Variants in MBNL2 observed in about 807,000 individuals in gnomAD.
MBNL2 encodes the protein muscleblind like splicing regulator 2, also known as muscleblind-like protein 2.
In MBNL2, 17 loss-of-function variants were observed where a neutral mutation model predicts 41.9. The ratio of observed to expected loss-of-function variants is 0.41; its 90% CI spans 0.28 to 0.61. MBNL2 has a LOEUF of 0.61. Ranked by LOEUF, MBNL2 falls within the 20% of genes least tolerant of loss-of-function variation. The pLI, the probability that MBNL2 is intolerant of heterozygous loss-of-function variation, is 0.35. For missense variants in MBNL2, 336 were observed against 505.6 expected (o/e 0.66, Z 3.22); for synonymous variants, 195 against 182.9 (o/e 1.07, Z -0.53).
intron 1 of MBNL2, among the ~76,000 whole-genome samples, chr13:97,257,294 C>G (rs1342445069): frequency 6.6e-6 from 1 of 152,062 alleles, no homozygotes; most frequent in Non-Finnish European, 1.5e-5. Context: ...CACGTAGGAA[C>G]TCAGATGATA....
chr13:97,356,880 T>C (rs781367372), intron 6 of MBNL2, 31 bp downstream of exon 6: 1 of 1,329,062 alleles, frequency 7.5e-7, no homozygotes, highest in South Asian at 1.2e-5. Flanking sequence ...TCGCTTTGCA[T>C]GTAGCTTTTC....
Position 97,276,372 on chromosome 13 carries a change from A to C in MBNL2, c.137A>C (p.Glu46Ala). The change falls in exon 2 of 9, where the codon GAA becomes GCA. Residue 46 changes from glutamate to alanine, a missense_variant. Glu to Ala is a moderately radical substitution (Grantham distance 107). Transcript: ENST00000679496. Reference sequence around the variant, plus strand: ...CATCCCCCCAAAAGTTGTCAGGTTGAAAATGGAAGAGTAATTGCCTGCTTT... The same window carrying C: ...CATCCCCCCAAAAGTTGTCAGGTTGCAAATGGAAGAGTAATTGCCTGCTTT... ...FAHPPKSCQV[E>A]NGRVIACFDS... is the part of the protein sequence containing the mutation. 5 of 1,614,136 alleles carry C rather than the reference A, an allele frequency of 3.1e-6. No homozygotes were observed. The highest frequency in any genetic ancestry group is 3.4e-6 in the Non-Finnish European group (4 of 1,179,976).
chr13:97,276,390 C>T lies in MBNL2; in HGVS notation c.155C>T (p.Ala52Val). The T allele has an allele frequency of 6.2e-7, 1 of 1,613,996 alleles. No homozygotes were observed. Among genetic ancestry groups the T allele is most frequent in the Non-Finnish European group, 8.5e-7 (1 of 1,179,920 alleles). ...SCQVENGRVI[A>V]CFDSLKGRCS... The stretch of plus-strand genomic sequence containing the variant: ...CAGGTTGAAAATGGAAGAGTAATTG[C>T]CTGCTTTGATTCCCTAAAGGTAAGA... The change falls in exon 2 of 9, where the codon GCC becomes GTC. Residue 52 changes from alanine (A) to valine (V), a missense_variant. Transcript: ENST00000679496.
chr13:97,308,286 CAG>C (rs1403983528), intron 2 of MBNL2, among the ~76,000 whole-genome samples: 3 of 152,200 alleles, frequency 2.0e-5, no homozygotes, highest in African/African-American at 7.2e-5. Context: ...ATACTCCTCT[CAG>C]AGTTTGTCTA....
chr13:97,286,838 CT>C (rs1225253037), intron 2 of MBNL2, among the ~76,000 whole-genome samples: 1 of 152,186 alleles, frequency 6.6e-6, no homozygotes, highest in Non-Finnish European at 1.5e-5. Context: ...AAAAGCACCC[CT>C]GGAATTATCT....
chr13:97,287,164 C>G (rs1594153671), intron 2 of MBNL2, among the ~76,000 whole-genome samples: 1 of 152,130 alleles, frequency 6.6e-6, no homozygotes, highest in East Asian at 1.9e-4. Context: ...GTGTGGCAGG[C>G]TCACTCGTGT....
chr13:97,196,970 C>T, the MBNL2 span, among the ~76,000 whole-genome samples: 1 of 152,144 alleles, frequency 6.6e-6, no homozygotes, highest in Non-Finnish European at 1.5e-5. Flanking sequence ...GACCAAGGGT[C>T]ACCAATTACT....
At chr13:97,240,934 A>G (rs1172791342) in intron 1 of MBNL2, among the ~76,000 whole-genome samples, 1 of 152,212 alleles carries the variant, frequency 6.6e-6, no homozygotes. Flanking sequence ...GTTCAAGCAG[A>G]TGGTAACTGG....
the MBNL2 span, among the ~76,000 whole-genome samples, chr13:97,191,006 C>T: frequency 1.3e-5 from 2 of 150,490 alleles, no homozygotes; most frequent in African/African-American, 4.9e-5. Flanking sequence ...TCAAATGAAA[C>T]TAAAAAAAAA....
the MBNL2 span, among the ~76,000 whole-genome samples, chr13:97,164,150 G>A: frequency 6.6e-6 from 1 of 152,158 alleles, no homozygotes; most frequent in Non-Finnish European, 1.5e-5. Flanking sequence ...TGGACTATAG[G>A]TGTGCACCAC....
intron 2 of MBNL2, among the ~76,000 whole-genome samples, chr13:97,298,857 G>A (rs889559972): frequency 1.3e-5 from 2 of 152,164 alleles, no homozygotes; most frequent in Non-Finnish European, 2.9e-5. Flanking sequence ...CCTTGCAGCT[G>A]CAGTGGGCCT....
the MBNL2 span, among the ~76,000 whole-genome samples, chr13:97,158,796 G>A: frequency 6.6e-6 from 1 of 152,060 alleles, no homozygotes; most frequent in Non-Finnish European, 1.5e-5. Flanking sequence ...TACATTTGCT[G>A]AGGAGAGCTT....
chr13:97,284,122 A>G (rs2053964482), intron 2 of MBNL2, among the ~76,000 whole-genome samples: 1 of 152,158 alleles, frequency 6.6e-6, no homozygotes, highest in South Asian at 2.1e-4. Context: ...AGTACCACAA[A>G]CCGTGTGGTT....
intron 1 of MBNL2, among the ~76,000 whole-genome samples, chr13:97,258,779 T>C (rs936401228): frequency 6.6e-6 from 1 of 152,162 alleles, no homozygotes; most frequent in African/African-American, 2.4e-5. Context: ...GATGGCTCTT[T>C]CTGGTAGATT....
At position 97,345,887 on chromosome 13, in the gene MBNL2, C is replaced by G. The variant is rs142828474; in HGVS notation, c.541-917C>G. Among the ~76,000 whole-genome samples the G allele has an allele frequency of 3.1e-4, 47 of 151,728 alleles. No individual in the cohort carries two copies. In the East Asian group the frequency reaches 8.7e-3, roughly 28 times the overall value. ...TCCCTCCACACACACAAAAAAAAAC[C>G]TATAGCATTGTCAGAATTGTCATAC... On this transcript the variant is annotated intron_variant, in intron 4 of 8. Transcript: ENST00000679496.
chr13:97,360,789 A>T (rs2063334601), intron 7 of MBNL2, among the ~76,000 whole-genome samples: 2 of 152,352 alleles, frequency 1.3e-5, no homozygotes, highest in South Asian at 4.1e-4. Context: ...ATTGGTGCCT[A>T]GTGAAGTGCT....
intron 2 of MBNL2, among the ~76,000 whole-genome samples, chr13:97,322,927 C>G (rs918995177): frequency 2.0e-5 from 3 of 152,214 alleles, no homozygotes; most frequent in African/African-American, 7.2e-5. Flanking sequence ...CTCAGAAACC[C>G]CCTGCTGTGT....
intron 2 of MBNL2, among the ~76,000 whole-genome samples, chr13:97,305,620 C>T (rs1409079313): frequency 4.0e-5 from 6 of 151,688 alleles, no homozygotes; most frequent in African/African-American, 1.5e-4. Context: ...AAAAAATTAG[C>T]TGGATGTGGT....
At chr13:97,378,273 A>G (rs964898009) in intron 8 of MBNL2, among the ~76,000 whole-genome samples, 15 of 148,174 alleles carry the variant, frequency 1.0e-4, no homozygotes, top group Non-Finnish European at 2.1e-4. Context: ...CCTCACACCA[A>G]CCCTGTAAGT....
Sources: gnomAD v4.1 joint callset for allele counts (sites outside exome capture counted in the v4.1 genomes callset) on GRCh38, gnomAD v4.1.1 for gene constraint, MANE v1.5 for transcripts, NCBI Gene and HGNC (gene_info 2026-07-23, HGNC 2026-07-21) for gene names.